Variants in UNC13B observed in about 807,000 individuals in gnomAD.
UNC13B encodes protein unc-13 homolog B.
In UNC13B, 144 loss-of-function variants were observed where a neutral mutation model predicts 211.0. The observed-to-expected ratio is 0.68, with a 90% confidence interval of 0.60 to 0.78. UNC13B has a LOEUF of 0.78. Ranked by LOEUF, UNC13B falls within the 30% of genes least tolerant of loss-of-function variation. The pLI, the probability that UNC13B is intolerant of heterozygous loss-of-function variation, is 0.00. For missense variants in UNC13B, 1,777 were observed against 2,002.0 expected (o/e 0.89, Z 2.14); for synonymous variants, 709 against 725.8 (o/e 0.98, Z 0.37).
chr9:35,390,474 C>G (rs1221790562), intron 25 of UNC13B, among the ~76,000 whole-genome samples, 155 bp from the exon 26 acceptor site: 1 of 152,276 alleles, frequency 6.6e-6, no homozygotes, highest in Non-Finnish European at 1.5e-5. Flanking sequence ...CCCCTGGCCC[C>G]TGGGCCCCTT....
At chr9:35,182,838 A>G (rs1053376119) in intron 1 of UNC13B, among the ~76,000 whole-genome samples, 2 of 152,200 alleles carry the variant, frequency 1.3e-5, no homozygotes, top group Non-Finnish European at 2.9e-5. Flanking sequence ...TTTTCTTAGT[A>G]CAGAACAAAA....
intron 1 of UNC13B, among the ~76,000 whole-genome samples, chr9:35,165,628 A>C (rs1354888458): frequency 6.6e-6 from 1 of 151,864 alleles, no homozygotes; most frequent in African/African-American, 2.4e-5. Flanking sequence ...CATGTTGGCC[A>C]GGCTGGTCTC....
chr9:35,346,617 A>G (rs552798418), intron 11 of UNC13B, among the ~76,000 whole-genome samples: 1 of 152,262 alleles, frequency 6.6e-6, no homozygotes, highest in South Asian at 2.1e-4. Flanking sequence ...ATAGTCCTTG[A>G]AAGGGGCTGC....
intron 7 of UNC13B, among the ~76,000 whole-genome samples, chr9:35,262,811 A>G (rs186067281): frequency 2.1e-4 from 32 of 152,192 alleles, no homozygotes; most frequent in African/African-American, 7.5e-4. Flanking sequence ...GCATACCTGT[A>G]GTCCCAGCTA....
intron 1 of UNC13B, among the ~76,000 whole-genome samples, chr9:35,183,341 C>T (rs1164121158): frequency 6.8e-6 from 1 of 146,286 alleles, no homozygotes; most frequent in Non-Finnish European, 1.5e-5. Flanking sequence ...AGGCGCCCCT[C>T]ACCTCCCAGG....
intron 1 of UNC13B, among the ~76,000 whole-genome samples, chr9:35,205,092 A>G (rs1356303216): frequency 1.3e-5 from 2 of 152,090 alleles, no homozygotes; most frequent in Non-Finnish European, 2.9e-5. Context: ...AGATCTGGTT[A>G]TTTAAAAGTG....
chr9:35,282,071 A>T (rs1828525889), intron 7 of UNC13B, among the ~76,000 whole-genome samples: 1 of 152,248 alleles, frequency 6.6e-6, no homozygotes, highest in South Asian at 2.1e-4. Flanking sequence ...CAGAGGAATG[A>T]AACAATTAGA....
chr9:35,249,389 C>G (rs1826317649), intron 6 of UNC13B, among the ~76,000 whole-genome samples: 1 of 152,112 alleles, frequency 6.6e-6, no homozygotes, highest in African/African-American at 2.4e-5. Context: ...TGAATTTGAT[C>G]CTGTCATTAT....
At chr9:35,243,386 G>T in intron 6 of UNC13B, 22 bp downstream of exon 6, 1 of 1,612,502 alleles carries the variant, frequency 6.2e-7, no homozygotes, top group South Asian at 1.1e-5. Flanking sequence ...CTTATTTGCA[G>T]TATAGAGAGA....
chr9:35,171,200 C>G (rs1451403815), intron 1 of UNC13B, among the ~76,000 whole-genome samples: 4 of 152,020 alleles, frequency 2.6e-5, no homozygotes, highest in Admixed American at 2.6e-4. Flanking sequence ...CTCCCAGGTT[C>G]AAGAGATTCT....
At chr9:35,288,777 A>G (rs1828930514) in intron 7 of UNC13B, among the ~76,000 whole-genome samples, 1 of 152,212 alleles carries the variant, frequency 6.6e-6, no homozygotes, top group African/African-American at 2.4e-5. Context: ...ACTTTTATGT[A>G]TAAGAAACTG....
In UNC13B at chr9:35,370,341, T is replaced by C; in HGVS notation, c.9485T>C (p.Ile3162Thr). ...PEGPAGGLYGIDSMPDLRRKK... is the reference protein window; with the variant it reads ...PEGPAGGLYGTDSMPDLRRKK... ...AGGCCAGCCGGAGGGCTCTATGGCATTGACAGCATGCCAGATTTACGCAGA... is the reference window on the plus strand; with the variant it reads ...AGGCCAGCCGGAGGGCTCTATGGCACTGACAGCATGCCAGATTTACGCAGA... Residue 3162 changes from isoleucine (I) to threonine (T), a missense_variant, in exon 13 of 40, where the codon ATT (isoleucine) becomes ACT (threonine). Coordinates refer to ENST00000635942, the MANE Select transcript of UNC13B (RefSeq NM_001371189.2). 1.2e-6 allele frequency: 2 copies of C among 1,614,020 alleles called. No individual in the cohort carries two copies. The highest frequency in any genetic ancestry group is 1.7e-6 in the Non-Finnish European group (2 of 1,179,998).
intron 11 of UNC13B, among the ~76,000 whole-genome samples, chr9:35,322,469 A>G (rs1830785883): frequency 6.6e-6 from 1 of 152,112 alleles, no homozygotes; most frequent in South Asian, 2.1e-4. Context: ...GAGCCTTGGT[A>G]AGCAGAGACA....
intron 20 of UNC13B, among the ~76,000 whole-genome samples, chr9:35,382,022 G>A (rs144388993): frequency 9.0e-4 from 137 of 152,342 alleles, no homozygotes; most frequent in African/African-American, 3.2e-3. Flanking sequence ...TGAGCAGACA[G>A]GGTATGTGTG....
chr9:35,374,516 A>G (rs372952790), intron 13 of UNC13B, among the ~76,000 whole-genome samples: 3,024 of 90,314 alleles, frequency 0.033, 66 homozygotes, highest in African/African-American at 0.11. Context: ...GGGGCCCCCT[A>G]TGCAAGAGTG....
intron 1 of UNC13B, among the ~76,000 whole-genome samples, chr9:35,190,246 CTT>C (rs1198841370): frequency 6.6e-6 from 1 of 152,140 alleles, no homozygotes; most frequent in African/African-American, 2.4e-5. Context: ...TCATGGGAGT[CTT>C]ATCTCTCAAT....
intron 11 of UNC13B, among the ~76,000 whole-genome samples, chr9:35,357,205 A>T (rs1476409927): frequency 6.6e-6 from 1 of 152,174 alleles, no homozygotes; most frequent in Non-Finnish European, 1.5e-5. Context: ...CCCGTAACAT[A>T]TGAAGGTTCT....
At chr9:35,182,624 C>T (rs1822001876) in intron 1 of UNC13B, among the ~76,000 whole-genome samples, 1 of 152,120 alleles carries the variant, frequency 6.6e-6, no homozygotes, top group Admixed American at 6.6e-5. Flanking sequence ...CTGTGGCCTT[C>T]TGTAGTGTTT....
At chr9:35,184,374 G>T (rs1477303848) in intron 1 of UNC13B, among the ~76,000 whole-genome samples, 2 of 152,188 alleles carry the variant, frequency 1.3e-5, no homozygotes, top group Admixed American at 1.3e-4. Flanking sequence ...GAAGGTGGAG[G>T]TTGTGGCGAG....
Sources: allele counts gnomAD v4.1 joint callset (sites outside exome capture counted in the v4.1 genomes callset), GRCh38; gene constraint gnomAD v4.1.1; transcripts MANE v1.5; gene names NCBI Gene and HGNC (gene_info 2026-07-23, HGNC 2026-07-21).